Variants in KCNJ12 observed in about 807,000 individuals in gnomAD.
KCNJ12 encodes potassium inwardly rectifying channel subfamily J member 12.
A neutral mutation model predicts 22.3 loss-of-function variants in KCNJ12; 2 were observed. The observed-to-expected ratio is 0.09, with a 90% CI of 0.04 to 0.28. The LOEUF is 0.28. Ranked by LOEUF, KCNJ12 falls within the 10% of genes least tolerant of loss-of-function variation. The pLI, the probability that KCNJ12 is intolerant of heterozygous loss-of-function variation, is 1.00. For synonymous variants in KCNJ12, 117 were observed against 261.4 expected, an observed-to-expected ratio of 0.45 and a Z score of 5.33; for missense variants, 155 against 633.3, an observed-to-expected ratio of 0.24 and a Z score of 8.11.
chr17:21,405,337 G>T (rs1340677775), intron 1 of KCNJ12: 2 of 152,266 alleles, frequency 1.3e-5, no homozygotes, highest in African/African-American at 4.8e-5. Context: ...GGTGTGTGGG[G>T]TCTCCTCATT....
At chr17:21,386,496 G>A (rs1326854138) in intron 1 of KCNJ12, among the ~76,000 whole-genome samples, 14 of 152,080 alleles carry the variant, frequency 9.2e-5, no homozygotes, top group Non-Finnish European at 1.5e-4. Flanking sequence ...TAATTTTATT[G>A]TATTTATTTT....
At chr17:21,382,494 C>CT (rs11454225) in intron 1 of KCNJ12, among the ~76,000 whole-genome samples, 67,379 of 151,724 alleles carry the variant, frequency 0.44, 15,282 homozygotes, top group Middle Eastern at 0.5. Context: ...CCTTTCCAGT[C>CT]TTTTTTTTGG....
intron 1 of KCNJ12, among the ~76,000 whole-genome samples, chr17:21,391,324 G>A (rs1055401557): frequency 2.0e-5 from 3 of 152,202 alleles, no homozygotes; most frequent in Non-Finnish European, 4.4e-5. Flanking sequence ...TGGGCCTGCG[G>A]CAGCCCCGCC....
At chr17:21,383,283 C>T (rs950023707) in intron 1 of KCNJ12, among the ~76,000 whole-genome samples, 3 of 152,212 alleles carry the variant, frequency 2.0e-5, no homozygotes, top group Non-Finnish European at 2.9e-5. Context: ...AAAAATAAAT[C>T]GCTGCCAGCA....
At position 21,382,893 on chromosome 17, in the gene KCNJ12, A is replaced by G. The variant is rs568979734; in HGVS notation, c.-179+5980A>G. The stretch of plus-strand genomic sequence containing the variant: ...CTCAGCCCTCCCTGCCTCCACCCCA[A>G]GGGTGTACAGGAGGGTGCGACGTGA... On this transcript the variant is annotated intron_variant, in intron 1 of 2. Transcript: ENST00000583088. 5.1e-4 allele frequency among the ~76,000 whole-genome samples: 78 copies of G among 152,310 alleles called. No individual in the cohort carries two copies. In the South Asian group the frequency reaches 6.6e-3, roughly 13 times the overall value.
At chr17:21,415,254 G>C (rs1906631079) in intron 2 of KCNJ12, 33 bp from the exon 3 acceptor site, 1 of 1,537,260 alleles carries the variant, frequency 6.5e-7, no homozygotes, top group African/African-American at 1.4e-5. Flanking sequence ...GGAGCCACCA[G>C]CCCAGCCAGA....
In KCNJ12 at chr17:21,377,277, C is replaced by A. The variant is rs552161428; in HGVS notation, c.-179+364C>A. On this transcript the variant is annotated intron_variant, in intron 1 of 2. Coordinates refer to ENST00000583088, the MANE Select transcript of KCNJ12 (RefSeq NM_021012.5). The stretch of plus-strand genomic sequence containing the variant: ...GAGGGAGCGTGCGGAAGCACTCTGG[C>A]GCGCGGCACGGGTCCTACGCGTGAC... 2.0e-5 allele frequency among the ~76,000 whole-genome samples: 3 copies of A among 152,050 alleles called. No homozygotes were observed. The East Asian group carries it at 5.9e-4, about 30-fold the overall frequency.
At chr17:21,386,203 A>G (rs1905064007) in intron 1 of KCNJ12, among the ~76,000 whole-genome samples, 1 of 152,196 alleles carries the variant, frequency 6.6e-6, no homozygotes, top group South Asian at 2.1e-4. Context: ...CCTCTGAGGG[A>G]GAAGCCATTC....
At chr17:21,398,499 T>A (rs782668906) in intron 1 of KCNJ12, among the ~76,000 whole-genome samples, 30 of 152,200 alleles carry the variant, frequency 2.0e-4, no homozygotes, top group Non-Finnish European at 4.0e-4. Context: ...ATCCCTCCAA[T>A]GGGCTTCCTT....
Position 21,415,568 on chromosome 17 carries a change from G to T in KCNJ12, c.226G>T (p.Val76Leu), listed in dbSNP as rs1263357487. 6.2e-7 allele frequency: 1 copy of T among 1,614,150 alleles called. No individual in the cohort carries two copies. The highest frequency in any genetic ancestry group is 1.3e-5 in the African/African-American group (1 of 74,968). Residue 76 changes from valine (V) to leucine (L), a missense_variant, in exon 3 of 3, where the codon GTG becomes TTG. Val to Leu is a conservative substitution (Grantham distance 32). Coordinates refer to ENST00000583088, the MANE Select transcript of KCNJ12 (RefSeq NM_021012.5). ...CCTGGCTGACATGTTCACCACCTGT[G>T]TGGACATCCGCTGGCGGTACATGCT... ...RYLADMFTTC[V>L]DIRWRYMLLI...
chr17:21,381,472 C>T (rs551965702), intron 1 of KCNJ12, among the ~76,000 whole-genome samples: 2 of 152,148 alleles, frequency 1.3e-5, no homozygotes, highest in African/African-American at 2.4e-5. Flanking sequence ...AGGACTCTTG[C>T]TCCCTCCCCG....
intron 2 of KCNJ12, among the ~76,000 whole-genome samples, chr17:21,409,929 G>C (rs1389147338): frequency 6.6e-6 from 1 of 152,216 alleles, no homozygotes; most frequent in Non-Finnish European, 1.5e-5. Context: ...GAGGTCAGCT[G>C]AGTCTCTGGT....
rs1202929826 is a variant in KCNJ12, at chr17:21,418,130, C to T, written c.*1486C>T. 1 of 167,090 alleles carries T rather than the reference C, an allele frequency of 6.0e-6. No individual in the cohort carries two copies. Among genetic ancestry groups the T allele is most frequent in the African/African-American group, 2.4e-5 (1 of 41,420 alleles). The allele number at this position is 167,090 out of a possible 1,614,324, so 10.4% of individuals were successfully genotyped here. ...GGTCCCCTTGTTGTCACTGCTGGCTCTGCCACCCCATCTTGTTCATGGCAG... is the reference window on the plus strand; with the variant it reads ...GGTCCCCTTGTTGTCACTGCTGGCTTTGCCACCCCATCTTGTTCATGGCAG... On this transcript the variant is annotated 3_prime_UTR_variant, in exon 3 of 3. Transcript: ENST00000583088.
At chr17:21,396,364 A>T (rs768082888) in intron 1 of KCNJ12, among the ~76,000 whole-genome samples, 2 of 152,036 alleles carry the variant, frequency 1.3e-5, no homozygotes, top group Non-Finnish European at 2.9e-5. Context: ...CCTGCTTCCC[A>T]CTTTGCAGAC....
At chr17:21,407,574 C>CCCAT (rs61143113) in intron 1 of KCNJ12, among the ~76,000 whole-genome samples, 4 of 147,388 alleles carry the variant, frequency 2.7e-5, no homozygotes, top group Admixed American at 2.0e-4. Flanking sequence ...CCACCCATTA[C>CCCAT]CCATCCATCC....
At chr17:21,396,089 C>T (rs760613131) in intron 1 of KCNJ12, among the ~76,000 whole-genome samples, 2 of 152,136 alleles carry the variant, frequency 1.3e-5, no homozygotes, top group Non-Finnish European at 2.9e-5. Context: ...CTGCCCTGGG[C>T]CCCCGGGCGC....
intron 2 of KCNJ12, among the ~76,000 whole-genome samples, chr17:21,413,658 G>A (rs1457640244): frequency 1.3e-5 from 2 of 152,308 alleles, no homozygotes; most frequent in Non-Finnish European, 2.9e-5. Flanking sequence ...CCCCTAGCTT[G>A]CAGATGCCCT....
intron 2 of KCNJ12, among the ~76,000 whole-genome samples, chr17:21,413,221 A>G (rs1485923425): frequency 8.6e-6 from 1 of 116,312 alleles, no homozygotes; most frequent in Non-Finnish European, 2.1e-5. Context: ...GAGTCCTGGC[A>G]TTGCTGCCTC....
chr17:21,409,029 C>T (rs1239246413), intron 2 of KCNJ12, among the ~76,000 whole-genome samples: 4 of 152,312 alleles, frequency 2.6e-5, no homozygotes, highest in African/African-American at 7.2e-5. Context: ...CTCATCCATC[C>T]CATTCAGCTG....
Sources: allele counts gnomAD v4.1 joint callset (sites outside exome capture counted in the v4.1 genomes callset), GRCh38; gene constraint gnomAD v4.1.1; transcripts MANE v1.5; gene names NCBI Gene and HGNC (gene_info 2026-07-23, HGNC 2026-07-21).